ACOT8: variants seen among roughly 807,000 people sequenced by gnomAD.
ACOT8 encodes acyl-CoA thioesterase 8.
Under a neutral mutation model 38.4 loss-of-function variants are expected in ACOT8, and 31 were observed. The ratio of observed to expected loss-of-function variants is 0.81; its 90% confidence interval spans 0.61 to 1.09. The LOEUF is 1.09. ACOT8 is among the 50% of genes least tolerant of loss of function. The pLI, the probability that ACOT8 is intolerant of heterozygous loss-of-function variation, is 0.00. For missense variants in ACOT8, 373 were observed against 421.8 expected (o/e 0.88, Z 1.01); for synonymous variants, 158 against 170.3 (o/e 0.93, Z 0.56).
chr20:45,851,519 G>C (rs1214339393), intron 2 of ACOT8, among the ~76,000 whole-genome samples: 5 of 152,218 alleles, frequency 3.3e-5, no homozygotes, highest in Non-Finnish European at 5.9e-5. Context: ...TATTGGAACA[G>C]AGCAGGTAGG....
chr20:45,842,009 CT>C (rs370136124), intron 5 of ACOT8, 53 bp from the exon 6 acceptor site: 54,181 of 1,180,902 alleles, frequency 0.046, 1,286 homozygotes, highest in African/African-American at 0.26. Flanking sequence ...GCCAAATACA[CT>C]TTTTTTTTTT....
intron 5 of ACOT8, 118 bp downstream of exon 5, chr20:45,843,409 A>C: frequency 7.6e-7 from 1 of 1,312,796 alleles, no homozygotes; most frequent in Non-Finnish European, 1.1e-6. Flanking sequence ...CTGGGAGGGA[A>C]GGAAAGGAAG....
intron 1 of ACOT8, among the ~76,000 whole-genome samples, chr20:45,856,265 A>T (rs923620840): frequency 2.0e-5 from 3 of 152,176 alleles, no homozygotes; most frequent in Non-Finnish European, 4.4e-5. Flanking sequence ...TCTTGTCTTC[A>T]AAAACAAAAA....
chr20:45,853,866 T>C (rs1419865750), intron 2 of ACOT8: 4 of 1,220,098 alleles, frequency 3.3e-6, no homozygotes, highest in Non-Finnish European at 1.1e-6. Flanking sequence ...GGGATAACTT[T>C]CATATTTACA....
At position 45,844,022 on chromosome 20, in the gene ACOT8, C is replaced by A; in HGVS notation, c.646+241G>T. On this transcript the variant is annotated intron_variant, in intron 4 of 5. Transcript: ENST00000217455. ...TATAGTTAGCAGCAAAGCTGGACAA[C>A]AACCCCAGCGAGGTGCCTTTTGCCT... 11 of 784,356 alleles carry A rather than the reference C, an allele frequency of 1.4e-5. No individual in the cohort carries two copies. In the South Asian group the frequency reaches 1.8e-4, roughly 13 times the overall value. 48.6% of individuals were successfully genotyped at this position (784,356 alleles called of 1,614,324 possible). A position where few individuals can be genotyped will look rare whatever the true frequency, so the allele number is the denominator to read the frequency against.
chr20:45,853,804 G>T, intron 2 of ACOT8: 1 of 690,806 alleles, frequency 1.4e-6, no homozygotes, highest in South Asian at 1.5e-5. Flanking sequence ...ACTCCTCAGG[G>T]ATGAGGAGTA....
Position 45,844,159 on chromosome 20 carries a change from G to A in ACOT8, c.646+104C>T, listed in dbSNP as rs749866025. 9 of 1,502,266 alleles carry A rather than the reference G, an allele frequency of 6.0e-6. No homozygotes were observed. In the East Asian group the frequency reaches 1.6e-4, roughly 27 times the overall value. The allele number at this position is 1,502,266 out of a possible 1,614,324, so 93.1% of individuals were successfully genotyped here. A position where few individuals can be genotyped will look rare whatever the true frequency, so the allele number is the denominator to read the frequency against. On this transcript the variant is annotated intron_variant, in intron 4 of 5. Transcript: ENST00000217455. ...GCCAACTTCCCCATCATGCAGATAA[G>A]GAAACAGGCCCAGAGAAGGGAACTC...
intron 2 of ACOT8, among the ~76,000 whole-genome samples, 176 bp downstream of exon 2, chr20:45,854,983 G>A (rs76443969): frequency 0.012 from 1,870 of 152,284 alleles, 38 homozygotes; most frequent in African/African-American, 0.042. Flanking sequence ...GAGGTCCAAG[G>A]CTCATTGTTA....
intron 2 of ACOT8, among the ~76,000 whole-genome samples, chr20:45,850,357 TAA>T (rs1230957516): frequency 2.0e-5 from 3 of 152,256 alleles, no homozygotes; most frequent in Non-Finnish European, 4.4e-5. Context: ...TATCAGTTAT[TAA>T]TCAAGTCCTG....
intron 5 of ACOT8, chr20:45,842,936 GA>G: frequency 9.9e-7 from 1 of 1,010,056 alleles, no homozygotes; most frequent in Non-Finnish European, 1.2e-6. Context: ...TCAGGGTTCT[GA>G]AGCTAGACAT....
chr20:45,855,150 G>A lies in ACOT8; in HGVS notation c.262+9C>T. On this transcript the variant is annotated intron_variant, in intron 2 of 5. Coordinates refer to ENST00000217455, the MANE Select transcript of ACOT8 (RefSeq NM_005469.4). Reference sequence around the variant, plus strand: ...AGGGTTGGGTTGGGGCAGGAAGTGGGGGGTTTACCTGCCCGAACAAAGTAG... The same window carrying A: ...AGGGTTGGGTTGGGGCAGGAAGTGGAGGGTTTACCTGCCCGAACAAAGTAG... 2 of 1,613,606 alleles carry A rather than the reference G, an allele frequency of 1.2e-6. No homozygotes were observed. The highest frequency in any genetic ancestry group is 1.7e-5 in the Admixed American group (1 of 59,996).
chr20:45,854,075 T>A, intron 2 of ACOT8: 1 of 936,434 alleles, frequency 1.1e-6, no homozygotes, highest in Non-Finnish European at 1.5e-6. Flanking sequence ...TTTTATTTAT[T>A]TTTTTGTAGA....
intron 5 of ACOT8, chr20:45,842,241 T>C (rs1426557361): frequency 5.6e-6 from 8 of 1,439,988 alleles, no homozygotes; most frequent in Non-Finnish European, 6.3e-6. Flanking sequence ...TTCATGAGCT[T>C]ATTATGGACC....
intron 1 of ACOT8, among the ~76,000 whole-genome samples, chr20:45,856,556 G>GT (rs1466279249): frequency 6.6e-6 from 1 of 152,024 alleles, no homozygotes; most frequent in Admixed American, 6.6e-5. Context: ...TGGCGCGCCT[G>GT]TATGTCCCAG....
intron 2 of ACOT8, chr20:45,853,383 C>T (rs1410326632): frequency 1.3e-5 from 2 of 152,250 alleles, no homozygotes; most frequent in African/African-American, 4.8e-5. Flanking sequence ...CCCATGTTTA[C>T]TTATGAAGAC....
intron 1 of ACOT8, 60 bp downstream of exon 1, chr20:45,857,128 G>A (rs1601106571): frequency 2.6e-6 from 4 of 1,561,970 alleles, no homozygotes; most frequent in East Asian, 2.3e-5. Flanking sequence ...CCGGGCGGCG[G>A]CAGTCAAGAT....
At chr20:45,846,427 AT>A (rs1984689193) in intron 3 of ACOT8, among the ~76,000 whole-genome samples, 1 of 152,122 alleles carries the variant, frequency 6.6e-6, no homozygotes, top group Admixed American at 6.5e-5. Context: ...CCATTTTATA[AT>A]GGTGAGTACT....
chr20:45,857,052 T>C (rs1601106438), intron 1 of ACOT8, 136 bp downstream of exon 1: 6 of 1,052,154 alleles, frequency 5.7e-6, no homozygotes. Flanking sequence ...TGGGGGCGAG[T>C]TCTCTCCTAA....
chr20:45,846,019 T>C (rs1984665632), intron 3 of ACOT8, among the ~76,000 whole-genome samples: 1 of 151,984 alleles, frequency 6.6e-6, no homozygotes, highest in Admixed American at 6.6e-5. Context: ...TGTGTATTTT[T>C]AATAGAGATG....
Sources: allele counts gnomAD v4.1 joint callset (sites outside exome capture counted in the v4.1 genomes callset), GRCh38; gene constraint gnomAD v4.1.1; transcripts MANE v1.5; gene names NCBI Gene and HGNC (gene_info 2026-07-23, HGNC 2026-07-21).